Variants in NBEA observed in about 807,000 individuals in gnomAD.
NBEA encodes neurobeachin.
A neutral mutation model predicts 343.4 loss-of-function variants in NBEA; 44 were observed. The observed-to-expected ratio is 0.13, with a 90% CI of 0.10 to 0.16. NBEA has a LOEUF of 0.16. Among genes scored for constraint, NBEA ranks in the 10% least tolerant of loss-of-function variants. NBEA has a pLI of 1.00. For synonymous variants in NBEA, 1,175 were observed against 1,238.7 expected, an observed-to-expected ratio of 0.95 and a Z score of 1.08; for missense variants, 2,555 against 3,631.3, an observed-to-expected ratio of 0.70 and a Z score of 7.62.
chr13:35,432,297 T>G lies in NBEA; in HGVS notation c.6208T>G (p.Tyr2070Asp). The change falls in exon 39 of 59, where the codon TAC (tyrosine) becomes GAC (aspartate). Residue 2070 changes from tyrosine (Y) to aspartate (D), a missense_variant. This residue lies in a region of NBEA where 246 missense variants were observed against 313.7 expected (regional missense o/e 0.78). Transcript: ENST00000379939. ...ATTGCATGATTTCTGGCGTTTGGAT[T>G]ACTGGGAAGATGATCTTCGTCGAAG... ...SQLHDFWRLD[Y>D]WEDDLRRRRR... The G allele has an allele frequency of 6.2e-7, 1 of 1,604,770 alleles. No homozygotes were observed.
chr13:35,487,085 T>A (rs527824599), intron 41 of NBEA, among the ~76,000 whole-genome samples: 1 of 152,072 alleles, frequency 6.6e-6, no homozygotes, highest in East Asian at 1.9e-4. Context: ...CAATATTGTT[T>A]TTCAGCTCAA....
chr13:35,015,095 G>T lies in NBEA; in HGVS notation c.295-25838G>T, dbSNP rs533338090. ...TTCAGCATCGTGCTCTTGCCTTGCC[G>T]CCTCCCTTCTCAACAAAAAGCAACG... On this transcript the variant is annotated intron_variant, in intron 1 of 58. Coordinates refer to ENST00000379939, the MANE Select transcript of NBEA (RefSeq NM_001385012.1). Among the ~76,000 whole-genome samples, 241 of 111,426 alleles carry T rather than the reference G, an allele frequency of 2.2e-3. 2 individuals carry two copies. The highest frequency in any genetic ancestry group is 3.0e-3 in the Non-Finnish European group (181 of 59,642). The allele number at this position is 111,426 out of a possible 152,430, so 73.1% of individuals were successfully genotyped here.
intron 33 of NBEA, among the ~76,000 whole-genome samples, chr13:35,225,801 G>T (rs1271637135): frequency 1.3e-5 from 2 of 152,070 alleles, no homozygotes; most frequent in African/African-American, 2.4e-5. Flanking sequence ...CCTATCCTCA[G>T]ATTTCAAGCT....
At chr13:35,397,631 CTG>C (rs1288895699) in intron 38 of NBEA, among the ~76,000 whole-genome samples, 1 of 152,122 alleles carries the variant, frequency 6.6e-6, no homozygotes, top group Non-Finnish European at 1.5e-5. Context: ...ATCAGAGATA[CTG>C]TGGGTTCAGT....
At chr13:35,346,232 GTTAATCTAT>G (rs1466242162) in intron 36 of NBEA, among the ~76,000 whole-genome samples, 1 of 151,962 alleles carries the variant, frequency 6.6e-6, no homozygotes. Flanking sequence ...GCTGTCTCCT[GTTAATCTAT>G]TTAAGTTTTG....
intron 54 of NBEA, among the ~76,000 whole-genome samples, chr13:35,655,242 C>G (rs1194507379): frequency 6.6e-6 from 1 of 152,074 alleles, no homozygotes; most frequent in Non-Finnish European, 1.5e-5. Context: ...TGTTCCTTTC[C>G]CACAAATTCA....
chr13:35,557,541 T>C lies in NBEA; in HGVS notation c.6922+2439T>C, dbSNP rs1295942432. Among the ~76,000 whole-genome samples, 3 of 152,194 alleles carry C rather than the reference T, an allele frequency of 2.0e-5. No homozygotes were observed. The East Asian group carries it at 5.8e-4, about 29-fold the overall frequency. ...ATCTTGCTATTATTGTTTGAATCGT[T>C]GAAGTCTGTTTTATTTATAACATGA... On this transcript the variant is annotated intron_variant, in intron 44 of 58. Transcript: ENST00000379939.
At chr13:35,351,014 T>C (rs2040170837) in intron 37 of NBEA, among the ~76,000 whole-genome samples, 1 of 151,982 alleles carries the variant, frequency 6.6e-6, no homozygotes, top group Admixed American at 6.6e-5. Context: ...ATTAACCTCA[T>C]TACTGAGGCA....
intron 49 of NBEA, among the ~76,000 whole-genome samples, chr13:35,639,288 A>G (rs567626995): frequency 6.6e-6 from 1 of 152,134 alleles, no homozygotes; most frequent in African/African-American, 2.4e-5. Flanking sequence ...CAAAGTGCAG[A>G]TATTATTTGC....
chr13:34,980,337 A>G (rs1432112665), intron 1 of NBEA, among the ~76,000 whole-genome samples: 4 of 151,982 alleles, frequency 2.6e-5, no homozygotes, highest in Non-Finnish European at 5.9e-5. Flanking sequence ...AATCATTAGT[A>G]TCATGTATCT....
At chr13:34,967,923 TAAG>T (rs2059877290) in intron 1 of NBEA, among the ~76,000 whole-genome samples, 1 of 152,018 alleles carries the variant, frequency 6.6e-6, no homozygotes, top group African/African-American at 2.4e-5. Flanking sequence ...CTCCACAAGT[TAAG>T]GAGCCAGTCC....
chr13:34,978,784 G>T (rs1431952202), intron 1 of NBEA, among the ~76,000 whole-genome samples: 2 of 152,054 alleles, frequency 1.3e-5, no homozygotes, highest in South Asian at 2.1e-4. Context: ...TTCATGTTGT[G>T]CTTATCAGCA....
intron 58 of NBEA, 97 bp from the exon 59 acceptor site, chr13:35,670,804 A>G (rs2085586803): frequency 4.0e-6 from 3 of 757,138 alleles, no homozygotes; most frequent in Non-Finnish European, 6.8e-6. Context: ...GATATTGTCT[A>G]GTGTAAAATG....
intron 33 of NBEA, among the ~76,000 whole-genome samples, chr13:35,220,422 A>T (rs1265023681): frequency 1.3e-5 from 2 of 152,116 alleles, no homozygotes; most frequent in Non-Finnish European, 2.9e-5. Flanking sequence ...TTTAGTTCCT[A>T]TTTCTCTAAA....
chr13:35,009,830 A>C (rs2061426139), intron 1 of NBEA, among the ~76,000 whole-genome samples: 1 of 152,160 alleles, frequency 6.6e-6, no homozygotes, highest in Non-Finnish European at 1.5e-5. Flanking sequence ...TAGCAGTGCA[A>C]GTAGAAAGAA....
At chr13:34,998,609 C>T (rs900681040) in intron 1 of NBEA, among the ~76,000 whole-genome samples, 1 of 152,158 alleles carries the variant, frequency 6.6e-6, no homozygotes, top group African/African-American at 2.4e-5. Context: ...AGTGATATTT[C>T]TCCCATTTGC....
chr13:35,422,179 G>C (rs919704915), intron 38 of NBEA, among the ~76,000 whole-genome samples: 11 of 148,660 alleles, frequency 7.4e-5, no homozygotes, highest in African/African-American at 2.7e-4. Flanking sequence ...TTCAGTTTTA[G>C]GGTACATGTG....
intron 38 of NBEA, among the ~76,000 whole-genome samples, chr13:35,407,536 T>C (rs955281395): frequency 1.3e-5 from 2 of 149,228 alleles, no homozygotes; most frequent in South Asian, 2.1e-4. Flanking sequence ...AAAAAAAGGC[T>C]GTAAGCCTCT....
chr13:35,149,423 A>G (rs924105400), intron 18 of NBEA, among the ~76,000 whole-genome samples: 4 of 152,120 alleles, frequency 2.6e-5, no homozygotes, highest in Admixed American at 2.6e-4. Flanking sequence ...ACAAACTAAG[A>G]CTCACAGGTT....
Sources: allele counts gnomAD v4.1 joint callset (sites outside exome capture counted in the v4.1 genomes callset), GRCh38; gene constraint gnomAD v4.1.1; regional missense constraint gnomAD v4.1.1; transcripts MANE v1.5; gene names NCBI Gene and HGNC (gene_info 2026-07-23, HGNC 2026-07-21).